The following SPEF2 variants were observed in gnomAD, a reference collection of about 807,000 sequenced individuals.
SPEF2 encodes the protein sperm flagella and cilia-associated protein 2.
Under a neutral mutation model 224.6 loss-of-function variants are expected in SPEF2, and 187 were observed. That is an observed-to-expected ratio of 0.83 (90% CI 0.74 to 0.94). SPEF2 has a LOEUF of 0.94. SPEF2 is among the 40% of genes least tolerant of loss of function. The probability of loss-of-function intolerance (pLI) is 0.00; values close to 1 mark genes in which losing one functional copy is unlikely to be tolerated. For missense variants in SPEF2, 2,170 were observed against 2,135.6 expected (o/e 1.02, Z -0.32); for synonymous variants, 715 against 707.3 (o/e 1.01, Z -0.17).
chr5:35,630,244 A>G (rs553565909), intron 2 of SPEF2, among the ~76,000 whole-genome samples: 1 of 152,176 alleles, frequency 6.6e-6, no homozygotes, highest in Non-Finnish European at 1.5e-5. Flanking sequence ...TGGATCTACC[A>G]TTCTGGTTTC....
chr5:35,771,057 CGAGGGTGAT>C (rs1752777302), intron 26 of SPEF2, among the ~76,000 whole-genome samples: 1 of 151,686 alleles, frequency 6.6e-6, no homozygotes. Context: ...TGGCTGTTGC[CGAGGGTGAT>C]GAATATATGT....
intron 6 of SPEF2, among the ~76,000 whole-genome samples, chr5:35,653,301 A>G (rs956748429): frequency 1.3e-5 from 2 of 152,230 alleles, no homozygotes; most frequent in Non-Finnish European, 2.9e-5. Flanking sequence ...GAAGCCAGTC[A>G]GACCTGTGCT....
chr5:35,635,035 A>C (rs1177696493), intron 2 of SPEF2, among the ~76,000 whole-genome samples: 1 of 151,860 alleles, frequency 6.6e-6, no homozygotes, highest in Non-Finnish European at 1.5e-5. Context: ...TAGCGAAGTG[A>C]TTTTCCCTCA....
chr5:35,766,179 A>G (rs1561330622), intron 26 of SPEF2, among the ~76,000 whole-genome samples: 2 of 152,092 alleles, frequency 1.3e-5, no homozygotes, highest in Non-Finnish European at 2.9e-5. Context: ...TCCTCTCTAT[A>G]CTTTGGAAAA....
intron 26 of SPEF2, among the ~76,000 whole-genome samples, chr5:35,769,102 A>G (rs1752456200): frequency 6.6e-6 from 1 of 152,298 alleles, no homozygotes; most frequent in South Asian, 2.1e-4. Context: ...ATAGCAACCC[A>G]GAGGTCTTTG....
chr5:35,766,416 C>A (rs1752096136), intron 26 of SPEF2, among the ~76,000 whole-genome samples: 1 of 151,858 alleles, frequency 6.6e-6, no homozygotes, highest in Admixed American at 6.6e-5. Flanking sequence ...AGAATTTTTC[C>A]ATTTCTAAAT....
chr5:35,636,899 C>G (rs1200711256), intron 2 of SPEF2, among the ~76,000 whole-genome samples: 1 of 150,774 alleles, frequency 6.6e-6, no homozygotes, highest in African/African-American at 2.4e-5. Flanking sequence ...TCGCTTGAAC[C>G]TGGGAGATGG....
intron 2 of SPEF2, among the ~76,000 whole-genome samples, chr5:35,636,082 T>TTTG (rs1745796368): frequency 1.3e-5 from 2 of 151,988 alleles, no homozygotes; most frequent in Admixed American, 6.6e-5. Context: ...ATTCCCAGGG[T>TTTG]TTGTTGTTGT....
At chr5:35,657,653 A>G (rs79687789) in intron 7 of SPEF2, among the ~76,000 whole-genome samples, 14,634 of 152,020 alleles carry the variant, frequency 0.096, 841 homozygotes, top group East Asian at 0.18. Context: ...AAATATGGGG[A>G]GAGGACCAGG....
chr5:35,625,929 G>A (rs1416365356), intron 1 of SPEF2, among the ~76,000 whole-genome samples: 8 of 152,138 alleles, frequency 5.3e-5, no homozygotes, highest in East Asian at 3.9e-4. Flanking sequence ...GTATGAAGCC[G>A]GAAGACACTT....
rs1439131647 is a variant in SPEF2, at chr5:35,814,547, G to T, written c.5463G>T (p.Lys1821Asn). ...CACCTTCAAGACATACAGAGGAAAA[G>T]AAATGAAGACAAAAGAGTGTGATTT... ...ERSPSRHTEE[K>N]K Residue 1821 changes from lysine (K) to asparagine (N), a missense_variant, in exon 37 of 37, where the codon AAG (lysine) becomes AAT (asparagine). Transcript: ENST00000356031. 6 of 1,594,336 alleles carry T rather than the reference G, an allele frequency of 3.8e-6. No individual in the cohort carries two copies. In the Admixed American group the frequency reaches 7.0e-5, roughly 19 times the overall value.
In SPEF2 at chr5:35,691,179, C is replaced by A. The variant is rs377258667; in HGVS notation, c.1667C>A (p.Pro556His). 1.2e-6 allele frequency: 2 copies of A among 1,613,918 alleles called. No individual in the cohort carries two copies. Among genetic ancestry groups the A allele is most frequent in the Non-Finnish European group, 1.7e-6 (2 of 1,179,992 alleles). The change falls in exon 11 of 37, where the codon CCT becomes CAT. Residue 556 changes from proline to histidine, a missense_variant. By Grantham distance (77) the Pro-to-His change is moderately conservative. Coordinates refer to ENST00000356031, the MANE Select transcript of SPEF2 (RefSeq NM_024867.4). ...GCGGAATCAACAACACCTGAATTAC[C>A]TTCATTTGCTGTTAAAGGATGCTTA... ...PRAESTTPEL[P>H]SFAVKGCLLG...
intron 33 of SPEF2, among the ~76,000 whole-genome samples, chr5:35,799,264 G>A (rs1580780233): frequency 6.6e-6 from 1 of 152,234 alleles, no homozygotes; most frequent in East Asian, 1.9e-4. Context: ...GTGCCTGGGT[G>A]TGGCCTATGT....
At chr5:35,745,298 TGAACTGGGCAA>T (rs1748318055) in intron 23 of SPEF2, among the ~76,000 whole-genome samples, 1 of 152,080 alleles carries the variant, frequency 6.6e-6, no homozygotes, top group Admixed American at 6.5e-5. Flanking sequence ...TGTAACAATT[TGAACTGGGCAA>T]GAAGCCTCCC....
At chr5:35,811,638 A>C (rs1758537891) in intron 36 of SPEF2, among the ~76,000 whole-genome samples, 1 of 151,962 alleles carries the variant, frequency 6.6e-6, no homozygotes, top group Non-Finnish European at 1.5e-5. Flanking sequence ...GGTTTGTACA[A>C]ATTAAAGGAG....
chr5:35,684,087 T>C (rs1753222242), intron 10 of SPEF2: 1 of 152,164 alleles, frequency 6.6e-6, no homozygotes, highest in Non-Finnish European at 1.5e-5. Context: ...AATAATTTAA[T>C]CATATCTACA....
chr5:35,727,885 A>T (rs1744943757), intron 21 of SPEF2, 62 bp downstream of exon 21: 1 of 1,551,362 alleles, frequency 6.4e-7, no homozygotes, highest in Non-Finnish European at 8.7e-7. Flanking sequence ...AGTAAGATTC[A>T]CACTGTCATT....
At chr5:35,792,246 A>T in intron 30 of SPEF2, 94 bp from the exon 31 acceptor site, 3 of 803,594 alleles carry the variant, frequency 3.7e-6, no homozygotes, top group Non-Finnish European at 5.8e-6. Context: ...ATGAATAAAG[A>T]GAGTTTTAAA....
chr5:35,660,983 A>T (rs1338236268), intron 8 of SPEF2, among the ~76,000 whole-genome samples: 3 of 151,952 alleles, frequency 2.0e-5, no homozygotes, highest in Non-Finnish European at 2.9e-5. Flanking sequence ...GGAGCTATCT[A>T]GTTCCTTGGC....
Sources: allele counts gnomAD v4.1 joint callset (sites outside exome capture counted in the v4.1 genomes callset), GRCh38; gene constraint gnomAD v4.1.1; transcripts MANE v1.5; gene names NCBI Gene and HGNC (gene_info 2026-07-23, HGNC 2026-07-21).